Variants in CSMD1 observed in about 807,000 individuals in gnomAD.
CSMD1 encodes the protein CUB and Sushi multiple domains 1, also known as CUB and sushi domain-containing protein 1.
CSMD1 carries 213 observed loss-of-function variants against 417.5 expected under a neutral mutation model. The observed-to-expected ratio is 0.51, with a 90% CI of 0.46 to 0.57. CSMD1 has a LOEUF of 0.57. CSMD1 is among the 20% of genes least tolerant of loss of function. The probability of loss-of-function intolerance (pLI) is 0.00; values close to 1 mark genes in which losing one functional copy is unlikely to be tolerated. For missense variants in CSMD1, 6,923 were observed against 4,529.7 expected (o/e 1.53, Z -15.17); for synonymous variants, 2,862 against 1,736.8 (o/e 1.65, Z -16.11).
At chr8:3,149,985 T>G (rs1563088478) in intron 40 of CSMD1, among the ~76,000 whole-genome samples, 1 of 152,198 alleles carries the variant, frequency 6.6e-6, no homozygotes, top group Non-Finnish European at 1.5e-5. Context: ...CACATACCTC[T>G]GAAAGAATTC....
chr8:4,196,248 C>A (rs934754862), intron 3 of CSMD1, among the ~76,000 whole-genome samples: 1 of 152,096 alleles, frequency 6.6e-6, no homozygotes, highest in South Asian at 2.1e-4. Context: ...AAATAAACGT[C>A]TGCTGTGTCA....
intron 6 of CSMD1, among the ~76,000 whole-genome samples, chr8:3,721,766 A>G (rs1360891683): frequency 1.3e-5 from 2 of 152,206 alleles, no homozygotes; most frequent in African/African-American, 2.4e-5. Context: ...TTACATGAGG[A>G]TAATAGAATT....
chr8:3,170,479 A>G (rs1820517852), intron 37 of CSMD1, among the ~76,000 whole-genome samples: 1 of 152,188 alleles, frequency 6.6e-6, no homozygotes, highest in African/African-American at 2.4e-5. Context: ...AAGTGCTGGG[A>G]TTACAGGCGT....
intron 11 of CSMD1, among the ~76,000 whole-genome samples, chr8:3,487,610 T>A (rs1008292088): frequency 2.0e-5 from 3 of 152,184 alleles, no homozygotes; most frequent in Non-Finnish European, 2.9e-5. Flanking sequence ...ATTTGGTGTA[T>A]AAATATTTAG....
intron 3 of CSMD1, among the ~76,000 whole-genome samples, chr8:4,331,850 C>G (rs1189094747): frequency 6.6e-6 from 1 of 151,998 alleles, no homozygotes; most frequent in African/African-American, 2.4e-5. Context: ...ATAGCACAAT[C>G]CATTTGCTTA....
At chr8:3,920,406 C>T (rs1342031495) in intron 5 of CSMD1, among the ~76,000 whole-genome samples, 1 of 151,786 alleles carries the variant, frequency 6.6e-6, no homozygotes, top group East Asian at 1.9e-4. Context: ...AGGTTCTTTT[C>T]TAAGACTGTA....
chr8:4,651,913 G>T (rs1803921614), intron 1 of CSMD1, among the ~76,000 whole-genome samples: 2 of 152,132 alleles, frequency 1.3e-5, no homozygotes, highest in Non-Finnish European at 2.9e-5. Flanking sequence ...TCTTTCATGT[G>T]CTAGTATGAT....
At chr8:3,400,726 G>C (rs887550941) in intron 15 of CSMD1, among the ~76,000 whole-genome samples, 4 of 151,744 alleles carry the variant, frequency 2.6e-5, no homozygotes, top group African/African-American at 7.2e-5. Flanking sequence ...ATTTTATTCA[G>C]TGAACACGGC....
At chr8:3,601,783 G>A (rs1410766109) in intron 8 of CSMD1, among the ~76,000 whole-genome samples, 3 of 152,232 alleles carry the variant, frequency 2.0e-5, no homozygotes, top group Middle Eastern at 3.4e-3. Flanking sequence ...GCTCCCTAAT[G>A]TTTCCAATTC....
intron 1 of CSMD1, among the ~76,000 whole-genome samples, chr8:4,846,342 G>A (rs750964275): frequency 2.0e-5 from 3 of 152,162 alleles, no homozygotes; most frequent in Admixed American, 6.5e-5. Context: ...TGTGCATATG[G>A]GTTTATAGAT....
At chr8:3,091,961 T>A (rs1814978520) in intron 47 of CSMD1, among the ~76,000 whole-genome samples, 2 of 152,226 alleles carry the variant, frequency 1.3e-5, no homozygotes, top group Non-Finnish European at 2.9e-5. Context: ...GTATTGTTGT[T>A]AGTATTTACA....
At chr8:4,348,237 T>A (rs926036411) in intron 3 of CSMD1, among the ~76,000 whole-genome samples, 1 of 152,132 alleles carries the variant, frequency 6.6e-6, no homozygotes, top group Admixed American at 6.6e-5. Flanking sequence ...GCATACTAAG[T>A]GCTCTTGACT....
chr8:3,769,843 G>A (rs1016040390), intron 5 of CSMD1, among the ~76,000 whole-genome samples: 3 of 152,140 alleles, frequency 2.0e-5, no homozygotes, highest in South Asian at 2.1e-4. Flanking sequence ...TTATTTCACA[G>A]GATGGACTCC....
intron 50 of CSMD1, among the ~76,000 whole-genome samples, chr8:3,046,241 G>A (rs1452503929): frequency 3.3e-5 from 5 of 152,268 alleles, no homozygotes; most frequent in South Asian, 4.1e-4. Flanking sequence ...CGCTCAGGTG[G>A]TGACCTGGGT....
At chr8:3,511,017 T>C (rs1463310903) in intron 10 of CSMD1, among the ~76,000 whole-genome samples, 1 of 151,792 alleles carries the variant, frequency 6.6e-6, no homozygotes, top group African/African-American at 2.4e-5. Context: ...AAAGAAAACG[T>C]GGCACTTATA....
At chr8:3,556,623 T>C (rs796732471) in intron 10 of CSMD1, among the ~76,000 whole-genome samples, 31 of 151,156 alleles carry the variant, frequency 2.1e-4, no homozygotes, top group African/African-American at 3.4e-4. Flanking sequence ...TACAAAAACA[T>C]TGTCGTGGGG....
At chr8:4,080,359 T>A (rs1257169227) in intron 3 of CSMD1, among the ~76,000 whole-genome samples, 1 of 152,146 alleles carries the variant, frequency 6.6e-6, no homozygotes, top group African/African-American at 2.4e-5. Context: ...TGAAGCAAAA[T>A]CTACACAAAC....
chr8:4,208,153 T>C (rs1011519211), intron 3 of CSMD1, among the ~76,000 whole-genome samples: 1 of 152,124 alleles, frequency 6.6e-6, no homozygotes, highest in African/African-American at 2.4e-5. Context: ...TATCCAAACA[T>C]ATTGTGGAGG....
intron 3 of CSMD1, among the ~76,000 whole-genome samples, chr8:4,046,061 G>C (rs1364112837): frequency 2.0e-5 from 3 of 151,942 alleles, no homozygotes; most frequent in African/African-American, 7.3e-5. Context: ...TTTAAAATCA[G>C]TTCTCCCAAT....
Sources: gnomAD v4.1 joint callset for allele counts (sites outside exome capture counted in the v4.1 genomes callset) on GRCh38, gnomAD v4.1.1 for gene constraint, MANE v1.5 for transcripts, NCBI Gene and HGNC (gene_info 2026-07-23, HGNC 2026-07-21) for gene names.